Variants in MYO16 observed in about 807,000 individuals in gnomAD.
The protein encoded by MYO16 is myosin XVI.
MYO16 carries 94 observed loss-of-function variants against 205.3 expected under a neutral mutation model. The observed-to-expected ratio is 0.46, with a 90% CI of 0.39 to 0.54. The LOEUF is 0.54. Ranked by LOEUF, MYO16 falls within the 20% of genes least tolerant of loss-of-function variation. MYO16 has a pLI of 0.00. For synonymous variants in MYO16, 988 were observed against 954.0 expected (o/e 1.04, Z -0.66); for missense variants, 2,315 against 2,387.5 (o/e 0.97, Z 0.63).
At chr13:108,982,784 T>C (rs2139418007) in intron 20 of MYO16, among the ~76,000 whole-genome samples, 1 of 152,310 alleles carries the variant, frequency 6.6e-6, no homozygotes, top group African/African-American at 2.4e-5. Flanking sequence ...CATATCTCTT[T>C]GGCTTGTTTT....
intron 24 of MYO16, among the ~76,000 whole-genome samples, chr13:109,050,041 A>C (rs1326831062): frequency 6.6e-6 from 1 of 151,166 alleles, no homozygotes; most frequent in Non-Finnish European, 1.5e-5. Context: ...TTTGGTGCCC[A>C]CCCTGAGACG....
At chr13:108,749,034 GT>G (rs1368626801) in intron 4 of MYO16, among the ~76,000 whole-genome samples, 2 of 152,010 alleles carry the variant, frequency 1.3e-5, no homozygotes, top group Non-Finnish European at 2.9e-5. Context: ...GTTTGGCAGG[GT>G]TTTTTTGACA....
intron 20 of MYO16, among the ~76,000 whole-genome samples, chr13:108,985,892 G>A (rs1368888587): frequency 6.6e-6 from 1 of 152,192 alleles, no homozygotes; most frequent in Non-Finnish European, 1.5e-5. Flanking sequence ...ATTGACGTAT[G>A]TATTAGTCTG....
chr13:108,966,113 A>G (rs1389177745), intron 20 of MYO16, among the ~76,000 whole-genome samples: 1 of 152,222 alleles, frequency 6.6e-6, no homozygotes, highest in African/African-American at 2.4e-5. Context: ...AACATATTCA[A>G]TAGTCTGTGA....
At chr13:108,873,538 C>T (rs944142296) in intron 12 of MYO16, among the ~76,000 whole-genome samples, 1 of 152,268 alleles carries the variant, frequency 6.6e-6, no homozygotes, top group South Asian at 2.1e-4. Flanking sequence ...TAACAACCAC[C>T]ACTGCCGAGA....
intron 28 of MYO16, among the ~76,000 whole-genome samples, chr13:109,115,360 A>T (rs1875628342): frequency 6.6e-6 from 1 of 152,288 alleles, no homozygotes; most frequent in South Asian, 2.1e-4. Flanking sequence ...TAACAAGAAA[A>T]AAAACCTAAT....
rs560078072 is a variant in MYO16 at position 108,925,322 on chromosome 13, G to A, written c.1925+15172G>A. 2.0e-5 allele frequency among the ~76,000 whole-genome samples: 3 copies of A among 152,282 alleles called. No homozygotes were observed. The South Asian group carries it at 6.2e-4, about 32-fold the overall frequency. On this transcript the variant is annotated intron_variant, in intron 16 of 34. Coordinates refer to ENST00000457511, the MANE Select transcript of MYO16 (RefSeq NM_001198950.3). ...CAGAGATGAACTAGAGTTAAACCGA[G>A]CTCCGCCACTCCTCTTCCTGTGCTG...
At position 109,141,023 on chromosome 13, in the gene MYO16, C is replaced by G. The variant is rs1242692328; in HGVS notation, c.4811C>G (p.Pro1604Arg). The G allele has an allele frequency of 1.1e-5, 15 of 1,324,346 alleles. No homozygotes were observed. The highest frequency in any genetic ancestry group is 5.6e-4 in the Middle Eastern group (2 of 3,544). The allele number at this position is 1,324,346 out of a possible 1,614,324, so 82.0% of individuals were successfully genotyped here. Reference protein sequence around the residue: ...TPPPPPPPPGPPPAPYRPCAH... With the variant: ...TPPPPPPPPGRPPAPYRPCAH... The stretch of plus-strand genomic sequence containing the variant: ...CCCCCGCCCCCGCCCCCGCCCGGGC[C>G]GCCCCCCGCGCCCTACAGGCCCTGC... The change falls in exon 32 of 35, where the codon CCG (proline) becomes CGG (arginine). Residue 1604 changes from proline to arginine, a missense_variant. Physicochemically the swap from Pro to Arg is moderately radical, Grantham distance 103. This residue lies in a region of MYO16 where 1,097 missense variants were observed against 1,092.0 expected (regional missense o/e 1.00). Transcript: ENST00000457511. This position sits in a 1 kb window ranked among gnomAD's most constrained non-coding sequence, Gnocchi z 4.1.
At chr13:108,663,171 G>A (rs1483036723) in intron 1 of MYO16, among the ~76,000 whole-genome samples, 1 of 152,100 alleles carries the variant, frequency 6.6e-6, no homozygotes, top group Non-Finnish European at 1.5e-5. Flanking sequence ...CGGGATTGCT[G>A]GTTTCTTCTT....
At chr13:108,780,052 G>C (rs1182693492) in intron 4 of MYO16, 1 of 152,148 alleles carries the variant, frequency 6.6e-6, no homozygotes, top group Admixed American at 6.6e-5. Flanking sequence ...ACCATGGTGG[G>C]GTAAGAAGAG....
intron 22 of MYO16, among the ~76,000 whole-genome samples, chr13:109,016,964 A>G (rs995763697): frequency 6.6e-6 from 1 of 152,110 alleles, no homozygotes; most frequent in African/African-American, 2.4e-5. Flanking sequence ...GCCCATTTAC[A>G]TTTAAGGTTA....
intron 31 of MYO16, among the ~76,000 whole-genome samples, chr13:109,138,796 TATTTA>T (rs1256950942): frequency 6.6e-6 from 1 of 151,956 alleles, no homozygotes; most frequent in Non-Finnish European, 1.5e-5. Context: ...TTACATCATT[TATTTA>T]ATTTAATTTA....
intron 23 of MYO16, among the ~76,000 whole-genome samples, chr13:109,038,011 A>G (rs1886768641): frequency 6.6e-6 from 1 of 152,250 alleles, no homozygotes; most frequent in African/African-American, 2.4e-5. Context: ...AGTAGGGAGT[A>G]CAATGGGGAA....
chr13:108,898,129 C>T lies in MYO16; in HGVS notation c.1773C>T (p.Thr591=), dbSNP rs746199612. 3.9e-5 allele frequency: 63 copies of T among 1,605,676 alleles called. No individual in the cohort carries two copies. The highest frequency in any genetic ancestry group is 3.3e-4 in the East Asian group (15 of 44,850). Residue 591 remains threonine, a synonymous_variant, in exon 15 of 35, where the codon ACC becomes ACT. Coordinates refer to ENST00000457511, the MANE Select transcript of MYO16 (RefSeq NM_001198950.3). ...LQFCERKQQL[T]GARIYTYLLE... ...TCTGTGAGAGGAAACAACAGCTAAC[C>T]GGAGGTAAGTGCAGTATTTGACAAC...
intron 22 of MYO16, among the ~76,000 whole-genome samples, chr13:109,014,900 A>G (rs1429311331): frequency 1.3e-5 from 2 of 152,222 alleles, no homozygotes; most frequent in East Asian, 3.9e-4. Context: ...CAATCATGTC[A>G]TCTGCAAACA....
chr13:109,003,411 G>A (rs1885281642), intron 21 of MYO16, among the ~76,000 whole-genome samples: 1 of 152,174 alleles, frequency 6.6e-6, no homozygotes, highest in Non-Finnish European at 1.5e-5. Context: ...ACTCGCCACT[G>A]ACGCTGCAGC....
At chr13:108,686,147 G>T (rs1161965383) in intron 2 of MYO16, among the ~76,000 whole-genome samples, 1 of 152,164 alleles carries the variant, frequency 6.6e-6, no homozygotes, top group Non-Finnish European at 1.5e-5. Flanking sequence ...TCCAGGCAGA[G>T]TTGGCTATGG....
intron 34 of MYO16, among the ~76,000 whole-genome samples, chr13:109,181,599 C>T (rs1023396113): frequency 3.3e-5 from 5 of 152,006 alleles, no homozygotes; most frequent in African/African-American, 9.7e-5. Context: ...TAATAAACTC[C>T]CTTCAAGGAA....
intron 1 of MYO16, among the ~76,000 whole-genome samples, chr13:108,637,269 A>G (rs1316963031): frequency 1.3e-5 from 2 of 152,088 alleles, no homozygotes; most frequent in South Asian, 2.1e-4. Flanking sequence ...GCTTGCCATT[A>G]TATCTGGAGG....
Sources: allele counts gnomAD v4.1 joint callset (sites outside exome capture counted in the v4.1 genomes callset), GRCh38; gene constraint gnomAD v4.1.1; regional missense constraint gnomAD v4.1.1; non-coding constraint Gnocchi (gnomAD v3.1); transcripts MANE v1.5; gene names NCBI Gene and HGNC (gene_info 2026-07-23, HGNC 2026-07-21).